Variants in ANKRD44 observed in about 807,000 individuals in gnomAD.
The protein encoded by ANKRD44 is ankyrin repeat domain 44, also known as serine/threonine-protein phosphatase 6 regulatory ankyrin repeat subunit B.
ANKRD44 carries 35 observed loss-of-function variants against 116.0 expected under a neutral mutation model. The ratio of observed to expected loss-of-function variants is 0.30; its 90% CI spans 0.23 to 0.40. The LOEUF (loss-of-function observed/expected upper bound fraction) is 0.40. Among genes scored for constraint, ANKRD44 ranks in the 10% least tolerant of loss-of-function variants. The pLI, the probability that ANKRD44 is intolerant of heterozygous loss-of-function variation, is 1.00. For synonymous variants in ANKRD44, 435 were observed against 461.8 expected (o/e 0.94, Z 0.74); for missense variants, 1,014 against 1,242.6 (o/e 0.82, Z 2.77).
At chr2:197,161,920 T>C (rs2125500931) in intron 2 of ANKRD44, among the ~76,000 whole-genome samples, 1 of 152,264 alleles carries the variant, frequency 6.6e-6, no homozygotes, top group Non-Finnish European at 1.5e-5. Context: ...TCCAGGCATA[T>C]CTCTCTAGCA....
At chr2:197,305,047 C>T (rs976917011) in intron 1 of ANKRD44, among the ~76,000 whole-genome samples, 3 of 152,288 alleles carry the variant, frequency 2.0e-5, no homozygotes, top group East Asian at 1.9e-4. Context: ...TCCTGGCTCA[C>T]GTCTATTTGT....
chr2:197,127,463 G>T (rs1196235674), intron 4 of ANKRD44, among the ~76,000 whole-genome samples: 1 of 152,098 alleles, frequency 6.6e-6, no homozygotes, highest in East Asian at 1.9e-4. Context: ...TTACAAGGGA[G>T]TAATTTGATG....
At chr2:197,227,402 A>G (rs554661791) in intron 1 of ANKRD44, among the ~76,000 whole-genome samples, 4 of 152,322 alleles carry the variant, frequency 2.6e-5, no homozygotes, top group African/African-American at 9.6e-5. Context: ...GTCCCATTGC[A>G]TCGCTGGCCC....
chr2:196,982,603 C>T (rs1003025772), downstream of ANKRD44, among the ~76,000 whole-genome samples: 3 of 152,170 alleles, frequency 2.0e-5, no homozygotes, highest in African/African-American at 7.2e-5. Context: ...CTCAAGCCAT[C>T]AGCAAATTCA....
At chr2:197,182,176 A>T (rs2080523136) in intron 2 of ANKRD44, among the ~76,000 whole-genome samples, 1 of 152,240 alleles carries the variant, frequency 6.6e-6, no homozygotes, top group Admixed American at 6.5e-5. Context: ...TTGGTTAGTC[A>T]GGTGGAGGCT....
chr2:197,107,949 CAT>C (rs2078472105), intron 9 of ANKRD44, among the ~76,000 whole-genome samples: 1 of 152,224 alleles, frequency 6.6e-6, no homozygotes, highest in Admixed American at 6.5e-5. Context: ...ACAGTTCTCA[CAT>C]GTGTTATGAA....
At chr2:197,310,260 A>G (rs1338819711) in intron 1 of ANKRD44, among the ~76,000 whole-genome samples, 2 of 150,492 alleles carry the variant, frequency 1.3e-5, no homozygotes, top group East Asian at 2.0e-4. Context: ...GCGAGTCCCG[A>G]GAGCACCTCG....
At chr2:197,303,365 AC>A (rs2083970988) in intron 1 of ANKRD44, among the ~76,000 whole-genome samples, 2 of 152,248 alleles carry the variant, frequency 1.3e-5, no homozygotes, top group Middle Eastern at 3.2e-3. Flanking sequence ...GCCAGGACTT[AC>A]CCCAAACCAT....
chr2:197,134,909 G>C (rs985512180), intron 4 of ANKRD44: 1 of 152,092 alleles, frequency 6.6e-6, no homozygotes, highest in African/African-American at 2.4e-5. Flanking sequence ...TCATGAAGCT[G>C]GTAATACCCA....
At chr2:197,289,626 G>A (rs1370537402) in intron 1 of ANKRD44, among the ~76,000 whole-genome samples, 1 of 152,110 alleles carries the variant, frequency 6.6e-6, no homozygotes, top group African/African-American at 2.4e-5. Flanking sequence ...AACTAAAGAG[G>A]ACAAACTGTA....
At chr2:197,066,553 C>T (rs1037369370) in intron 16 of ANKRD44, among the ~76,000 whole-genome samples, 6 of 152,216 alleles carry the variant, frequency 3.9e-5, no homozygotes, top group Non-Finnish European at 7.3e-5. Flanking sequence ...ATCGTCTCAG[C>T]CCAAACTCTC....
chr2:197,003,776 C>G (rs901310121), intron 21 of ANKRD44, among the ~76,000 whole-genome samples: 1 of 152,062 alleles, frequency 6.6e-6, no homozygotes, highest in Non-Finnish European at 1.5e-5. Context: ...CTTGTAGGTT[C>G]TCCAGTGCCA....
At chr2:197,258,280 T>C (rs1270009953) in intron 1 of ANKRD44, among the ~76,000 whole-genome samples, 1 of 140,980 alleles carries the variant, frequency 7.1e-6, no homozygotes, top group Non-Finnish European at 1.5e-5. Context: ...CTTTTTTTTT[T>C]TTTTTTTTTT....
intron 3 of ANKRD44, among the ~76,000 whole-genome samples, chr2:197,145,697 A>G (rs2079483204): frequency 6.6e-6 from 1 of 152,110 alleles, no homozygotes; most frequent in African/African-American, 2.4e-5. Context: ...ACACAACAAA[A>G]TAAGGGCCGT....
chr2:196,970,677 T>C (rs1352936461), intron 21 of ANKRD44, among the ~76,000 whole-genome samples: 1 of 151,956 alleles, frequency 6.6e-6, no homozygotes, highest in Non-Finnish European at 1.5e-5. Context: ...AGAACAAAAA[T>C]TGCCTGAGAT....
At chr2:196,973,505 G>T (rs2075730333) in intron 21 of ANKRD44, among the ~76,000 whole-genome samples, 1 of 152,102 alleles carries the variant, frequency 6.6e-6, no homozygotes, top group Non-Finnish European at 1.5e-5. Flanking sequence ...CGCAAAGGAT[G>T]CACATGAACC....
At chr2:197,033,212 G>A in intron 16 of ANKRD44, among the ~76,000 whole-genome samples, 1 of 152,136 alleles carries the variant, frequency 6.6e-6, no homozygotes, top group East Asian at 1.9e-4. Context: ...TAAGGGTTTG[G>A]AAGAGGAAAA....
At chr2:197,029,054 T>C (rs1426884051) in intron 16 of ANKRD44, 1 of 158,740 alleles carries the variant, frequency 6.3e-6, no homozygotes, top group Non-Finnish European at 1.4e-5. Flanking sequence ...TATGTATACA[T>C]GTGCCATGTT....
At chr2:197,013,796 G>A (rs1040972338) in intron 17 of ANKRD44, 84 bp from the exon 18 acceptor site, 4 of 1,446,150 alleles carry the variant, frequency 2.8e-6, no homozygotes, top group East Asian at 2.3e-5. Context: ...TGGGCTTCCT[G>A]GGCCATGGAT....
Sources: allele counts gnomAD v4.1 joint callset (sites outside exome capture counted in the v4.1 genomes callset), GRCh38; gene constraint gnomAD v4.1.1; transcripts MANE v1.5; gene names NCBI Gene and HGNC (gene_info 2026-07-23, HGNC 2026-07-21).